Variants in NEK1 observed in about 807,000 individuals in gnomAD.
NEK1 encodes the protein serine/threonine-protein kinase Nek1.
NEK1 carries 137 observed loss-of-function variants against 182.1 expected under a neutral mutation model. That is an observed-to-expected ratio of 0.75 (90% CI 0.65 to 0.87). The LOEUF (loss-of-function observed/expected upper bound fraction) is 0.87, where lower values mean the gene tolerates loss of function less well. Among genes scored for constraint, NEK1 ranks in the 40% least tolerant of loss-of-function variants. NEK1 has a pLI of 0.00. For synonymous variants in NEK1, 513 were observed against 492.2 expected, an observed-to-expected ratio of 1.04 and a Z score of -0.56; for missense variants, 1,391 against 1,494.4, an observed-to-expected ratio of 0.93 and a Z score of 1.14.
At chr4:169,496,448 G>T (rs1751303912) in intron 23 of NEK1, among the ~76,000 whole-genome samples, 1 of 151,092 alleles carries the variant, frequency 6.6e-6, no homozygotes, top group African/African-American at 2.5e-5. Context: ...ATGTTGAATA[G>T]GAGTGGTGAG....
chr4:169,418,427 T>A (rs1734899968), intron 31 of NEK1, among the ~76,000 whole-genome samples: 1 of 151,896 alleles, frequency 6.6e-6, no homozygotes, highest in African/African-American at 2.4e-5. Context: ...GACAATATGA[T>A]CCATAACCAG....
At chr4:169,502,880 G>C (rs1358321531) in intron 23 of NEK1, among the ~76,000 whole-genome samples, 3 of 152,080 alleles carry the variant, frequency 2.0e-5, no homozygotes, top group African/African-American at 7.2e-5. Context: ...GTCCCAGCCA[G>C]AGCAATCAGG....
intron 2 of NEK1, among the ~76,000 whole-genome samples, chr4:169,609,536 T>C (rs1771953219): frequency 1.3e-5 from 2 of 152,200 alleles, no homozygotes; most frequent in Admixed American, 1.3e-4. Flanking sequence ...TATGGCATGC[T>C]ATCATTTGTT....
intron 10 of NEK1, among the ~76,000 whole-genome samples, chr4:169,581,432 G>A (rs1766633774): frequency 6.6e-6 from 1 of 151,874 alleles, no homozygotes; most frequent in South Asian, 2.1e-4. Flanking sequence ...ATGCCAGGCT[G>A]ATTTAAAAAA....
In NEK1 at chr4:169,555,700, A is replaced by G; in HGVS notation, c.1562+20T>C. The G allele has an allele frequency of 6.2e-7, 1 of 1,613,660 alleles. No homozygotes were observed. ...CAAAATTACACACATGGATGAATTC[A>G]TGGATCATCACAGTCCAACCTGTTT... On this transcript the variant is annotated intron_variant, in intron 18 of 35. Coordinates refer to ENST00000507142, the MANE Select transcript of NEK1 (RefSeq NM_001199397.3).
intron 4 of NEK1, 76 bp from the exon 5 acceptor site, chr4:169,599,273 G>T: frequency 8.9e-7 from 1 of 1,120,202 alleles, no homozygotes; most frequent in Middle Eastern, 2.0e-4. Flanking sequence ...GTACTTAAAA[G>T]CTTACTAAAA....
chr4:169,535,050 T>G (rs1419841392), intron 19 of NEK1, among the ~76,000 whole-genome samples: 1 of 152,194 alleles, frequency 6.6e-6, no homozygotes, highest in Non-Finnish European at 1.5e-5. Context: ...CTGGGCACAG[T>G]GGTTCACGTC....
In NEK1 at chr4:169,394,185, T is replaced by C; in HGVS notation, c.*325A>G. The C allele has an allele frequency of 4.8e-6, 1 of 208,220 alleles. No homozygotes were observed. Among genetic ancestry groups the C allele is most frequent in the Non-Finnish European group, 9.5e-6 (1 of 105,514 alleles). 12.9% of individuals were successfully genotyped at this position (208,220 alleles called of 1,614,324 possible). On this transcript the variant is annotated 3_prime_UTR_variant, in exon 36 of 36. Coordinates refer to ENST00000507142, the MANE Select transcript of NEK1 (RefSeq NM_001199397.3). ...TCAACCTAAAGACATTTGCTGAAAC[T>C]CAAAGTTACCCTATTGCATAGTAAA... is the stretch of plus-strand genomic sequence containing the variant.
intron 30 of NEK1, among the ~76,000 whole-genome samples, chr4:169,425,203 G>C (rs960637411): frequency 6.7e-6 from 1 of 150,148 alleles, no homozygotes; most frequent in Non-Finnish European, 1.5e-5. Context: ...CAAGGTGGAG[G>C]ATTGCTTGAG....
At chr4:169,502,312 G>A (rs2149672947) in intron 23 of NEK1, among the ~76,000 whole-genome samples, 1 of 148,896 alleles carries the variant, frequency 6.7e-6, no homozygotes, top group Non-Finnish European at 1.5e-5. Context: ...ATACAAAGAA[G>A]GCTGATGCCA....
chr4:169,547,799 T>C (rs941279246), intron 18 of NEK1, among the ~76,000 whole-genome samples: 2 of 152,216 alleles, frequency 1.3e-5, no homozygotes, highest in African/African-American at 4.8e-5. Context: ...GAAGTTCTCA[T>C]GCAGTGTTTT....
At chr4:169,498,097 G>A (rs2149651279) in intron 23 of NEK1, among the ~76,000 whole-genome samples, 1 of 152,270 alleles carries the variant, frequency 6.6e-6, no homozygotes, top group South Asian at 2.1e-4. Context: ...CTCCTGTATT[G>A]GATGCATATA....
chr4:169,456,921 G>A (rs1401849952), intron 27 of NEK1, among the ~76,000 whole-genome samples: 1 of 152,126 alleles, frequency 6.6e-6, no homozygotes, highest in African/African-American at 2.4e-5. Flanking sequence ...TATGGAACTG[G>A]AGGTCATTAT....
intron 23 of NEK1, among the ~76,000 whole-genome samples, chr4:169,482,644 T>C (rs1378685320): frequency 6.6e-6 from 1 of 151,776 alleles, no homozygotes; most frequent in Non-Finnish European, 1.5e-5. Context: ...AGAACTTTTT[T>C]TTTTTCTGAG....
chr4:169,437,415 A>G (rs1031621964), intron 28 of NEK1, among the ~76,000 whole-genome samples: 2 of 152,144 alleles, frequency 1.3e-5, no homozygotes, highest in Admixed American at 1.3e-4. Flanking sequence ...TTTTGGTCAG[A>G]GGGCAGACTA....
intron 27 of NEK1, among the ~76,000 whole-genome samples, chr4:169,462,157 A>AT (rs1744085564): frequency 7.0e-6 from 1 of 142,126 alleles, no homozygotes; most frequent in African/African-American, 3.0e-5. Context: ...AAAAAATCTG[A>AT]ATTTTTTTCT....
intron 12 of NEK1, among the ~76,000 whole-genome samples, chr4:169,575,972 GT>G (rs1271615047): frequency 0.01 from 1,444 of 142,840 alleles, 15 homozygotes; most frequent in African/African-American, 0.034. Context: ...TTTCTTTTTT[GT>G]TTTTTTTTTT....
chr4:169,542,206 C>T (rs1450453898), intron 18 of NEK1, among the ~76,000 whole-genome samples: 1 of 152,104 alleles, frequency 6.6e-6, no homozygotes, highest in Non-Finnish European at 1.5e-5. Flanking sequence ...TGTTCCCCTT[C>T]GTGTGTCCAT....
intron 26 of NEK1, among the ~76,000 whole-genome samples, chr4:169,466,338 A>T (rs1176675495): frequency 6.6e-6 from 1 of 152,076 alleles, no homozygotes; most frequent in Non-Finnish European, 1.5e-5. Context: ...CAAAAGAAAC[A>T]TGACGAAAGT....
Sources: allele counts gnomAD v4.1 joint callset (sites outside exome capture counted in the v4.1 genomes callset), GRCh38; gene constraint gnomAD v4.1.1; transcripts MANE v1.5; gene names NCBI Gene and HGNC (gene_info 2026-07-23, HGNC 2026-07-21).